PDE10A: variants seen among roughly 807,000 people sequenced by gnomAD.
The protein encoded by PDE10A is cAMP and cAMP-inhibited cGMP 3',5'-cyclic phosphodiesterase 10A.
A neutral mutation model predicts 97.7 loss-of-function variants in PDE10A; 39 were observed. The ratio of observed to expected loss-of-function variants is 0.40; its 90% CI spans 0.31 to 0.52. The LOEUF (loss-of-function observed/expected upper bound fraction) is 0.52, where lower values mean the gene tolerates loss of function less well. PDE10A is among the 20% of genes least tolerant of loss of function. The probability of loss-of-function intolerance (pLI) is 0.56; values close to 1 mark genes in which losing one functional copy is unlikely to be tolerated. For missense variants in PDE10A, 731 were observed against 1,047.8 expected (o/e 0.70, Z 4.17); for synonymous variants, 371 against 376.8 (o/e 0.98, Z 0.18).
At chr6:165,340,036 CTA>C (rs914023747) in intron 19 of PDE10A, among the ~76,000 whole-genome samples, 1 of 151,970 alleles carries the variant, frequency 6.6e-6, no homozygotes, top group African/African-American at 2.4e-5. Flanking sequence ...TAAAGATTCA[CTA>C]TGTTAGTTAC....
At chr6:165,512,801 T>C (rs929722438) in intron 2 of PDE10A, among the ~76,000 whole-genome samples, 2 of 152,046 alleles carry the variant, frequency 1.3e-5, no homozygotes, top group Non-Finnish European at 2.9e-5. Context: ...TTCCCAAAAG[T>C]AATGTATAAT....
intron 1 of PDE10A, among the ~76,000 whole-genome samples, chr6:165,721,078 G>A (rs1478794698): frequency 6.6e-6 from 1 of 152,208 alleles, no homozygotes; most frequent in East Asian, 1.9e-4. Context: ...GGGTTAAGGA[G>A]TTAGGTGGAG....
chr6:165,930,694 A>G (rs1783104791), intron 1 of PDE10A, among the ~76,000 whole-genome samples: 1 of 152,252 alleles, frequency 6.6e-6, no homozygotes, highest in South Asian at 2.1e-4. Flanking sequence ...GCAGAAAGAA[A>G]CAGATTCCTA....
chr6:165,487,200 A>T (rs1050322355), intron 2 of PDE10A, among the ~76,000 whole-genome samples: 8 of 152,218 alleles, frequency 5.3e-5, no homozygotes, highest in African/African-American at 1.9e-4. Flanking sequence ...GTCCAGGTAG[A>T]ATATCCTGAG....
chr6:165,502,700 C>A (rs1780959153), intron 2 of PDE10A, among the ~76,000 whole-genome samples: 1 of 152,158 alleles, frequency 6.6e-6, no homozygotes, highest in Non-Finnish European at 1.5e-5. Context: ...CACACAACCA[C>A]CTATGCAAAT....
chr6:165,475,666 TCATG>T lies in PDE10A; in HGVS notation c.1023+6645_1023+6648del, dbSNP rs542072655. ...AATATGCTGAGAGTTGGATGTGAGTTCATGCTCATGTCTGCAACAGGGCCCTGTA... is the reference window on the plus strand; with the variant it reads ...AATATGCTGAGAGTTGGATGTGAGTTCTCATGTCTGCAACAGGGCCCTGTA... On this transcript the variant is annotated intron_variant, in intron 3 of 21. Transcript: ENST00000539869. Among the ~76,000 whole-genome samples the T allele has an allele frequency of 1.8e-3, 281 of 152,306 alleles. 4 individuals are homozygous for T. The highest frequency in any genetic ancestry group is 0.017 in the Admixed American group (253 of 15,296).
intron 15 of PDE10A, 75 bp downstream of exon 15, chr6:165,395,106 G>T: frequency 1.2e-6 from 1 of 806,026 alleles, no homozygotes; most frequent in Non-Finnish European, 2.1e-6. Context: ...AGATCGTGGT[G>T]AGGCATATAT....
chr6:165,815,178 A>G (rs997248286), intron 1 of PDE10A, among the ~76,000 whole-genome samples: 2 of 152,166 alleles, frequency 1.3e-5, no homozygotes, highest in African/African-American at 4.8e-5. Context: ...TTAAACACTG[A>G]ATGTGCTCAA....
chr6:165,939,915 G>C (rs904615047), intron 1 of PDE10A: 3 of 152,228 alleles, frequency 2.0e-5, no homozygotes, highest in Non-Finnish European at 4.4e-5. Flanking sequence ...GCACAACCAA[G>C]CTCCAGCAAT....
At chr6:165,824,724 T>C (rs920943599) in intron 1 of PDE10A, among the ~76,000 whole-genome samples, 2 of 152,272 alleles carry the variant, frequency 1.3e-5, no homozygotes, top group South Asian at 2.1e-4. Flanking sequence ...GGCAGCTTCA[T>C]GTCATGTTTT....
At chr6:165,737,973 C>T (rs987685024) in intron 1 of PDE10A, among the ~76,000 whole-genome samples, 2 of 151,760 alleles carry the variant, frequency 1.3e-5, no homozygotes, top group African/African-American at 4.9e-5. Context: ...TACAAAATCA[C>T]CTAAAAAAGT....
At chr6:165,954,966 C>T (rs1441761493) in intron 1 of PDE10A, among the ~76,000 whole-genome samples, 3 of 152,146 alleles carry the variant, frequency 2.0e-5, no homozygotes, top group East Asian at 1.9e-4. Flanking sequence ...ACAAACTCAA[C>T]GTAGCTCCAG....
intron 1 of PDE10A, among the ~76,000 whole-genome samples, chr6:165,811,842 G>T (rs1159225668): frequency 3.9e-5 from 6 of 152,022 alleles, no homozygotes; most frequent in African/African-American, 1.2e-4. Context: ...ACAAGCCAGT[G>T]TCTTTTATTT....
At chr6:165,809,418 A>G (rs1262135460) in intron 1 of PDE10A, among the ~76,000 whole-genome samples, 2 of 151,916 alleles carry the variant, frequency 1.3e-5, no homozygotes, top group Admixed American at 1.3e-4. Flanking sequence ...CATCCTCCTC[A>G]CACTGCTCCT....
At chr6:165,754,314 A>ACAGATTTGGAAACATCTTC (rs1328549379) in intron 1 of PDE10A, 1 of 152,144 alleles carries the variant, frequency 6.6e-6, no homozygotes, top group Non-Finnish European at 1.5e-5. Flanking sequence ...TTTTTGAAAC[A>ACAGATTTGGAAACATCTTC]CAGATTTGGA....
chr6:165,355,883 G>C (rs1021582332), intron 18 of PDE10A, among the ~76,000 whole-genome samples: 1 of 152,094 alleles, frequency 6.6e-6, no homozygotes, highest in Admixed American at 6.6e-5. Flanking sequence ...TGCTGTATTA[G>C]TCCATTTTCA....
intron 1 of PDE10A, among the ~76,000 whole-genome samples, chr6:165,595,479 G>A (rs373674310): frequency 6.6e-6 from 1 of 152,044 alleles, no homozygotes; most frequent in African/African-American, 2.4e-5. Context: ...TTGAACATGC[G>A]ACATACCCAT....
chr6:165,402,734 G>T (rs1380300357), intron 13 of PDE10A, among the ~76,000 whole-genome samples: 1 of 152,166 alleles, frequency 6.6e-6, no homozygotes, highest in East Asian at 1.9e-4. Flanking sequence ...GACTGTAAGA[G>T]CATGTCTACC....
In PDE10A at chr6:165,777,651, G is replaced by T. The variant is rs191725809; in HGVS notation, c.-615+209878C>A. Among the ~76,000 whole-genome samples the T allele has an allele frequency of 1.2e-4, 18 of 152,336 alleles. No homozygotes were observed. The East Asian group carries it at 2.9e-3, about 24-fold the overall frequency. On this transcript the variant is annotated intron_variant, in intron 1 of 19. Coordinates refer to the PDE10A transcript ENST00000366882. ...GCCGGCTGAGCAAAACCACTCTGAA[G>T]CCAAATGGACAGATAAGATCGGCGG...
Sources: allele counts gnomAD v4.1 joint callset (sites outside exome capture counted in the v4.1 genomes callset), GRCh38; gene constraint gnomAD v4.1.1; transcripts MANE v1.5; gene names NCBI Gene and HGNC (gene_info 2026-07-23, HGNC 2026-07-21).